KPNA7: variants seen among roughly 807,000 people sequenced by gnomAD.
KPNA7 encodes importin subunit alpha-8.
KPNA7 carries 54 observed loss-of-function variants against 53.7 expected under a neutral mutation model. The ratio of observed to expected loss-of-function variants is 1.01; its 90% confidence interval spans 0.81 to 1.26. The LOEUF is 1.26. Among genes scored for constraint, KPNA7 ranks in the 50% most tolerant of loss-of-function variants. The pLI is 0.00. For missense variants in KPNA7, 640 were observed against 644.5 expected, an observed-to-expected ratio of 0.99 and a Z score of 0.07; for synonymous variants, 276 against 259.3, an observed-to-expected ratio of 1.06 and a Z score of -0.62.
downstream of KPNA7, among the ~76,000 whole-genome samples, chr7:99,173,418 C>T (rs1215380571): frequency 6.6e-6 from 1 of 152,134 alleles, no homozygotes; most frequent in Non-Finnish European, 1.5e-5. Context: ...GTCTCAAACT[C>T]CTGACCTCAG....
In KPNA7 at chr7:99,187,806, A is replaced by ATT. The variant is rs1789690029; in HGVS notation, c.900+493_900+494insAA. Among the ~76,000 whole-genome samples, 104 of 29,316 alleles carry ATT rather than the reference A, an allele frequency of 3.5e-3. 1 individual carries two copies. Among genetic ancestry groups the ATT allele is most frequent in the African/African-American group, 6.3e-3 (97 of 15,482 alleles). The allele number at this position is 29,316 out of a possible 152,430, so 19.2% of individuals were successfully genotyped here. On this transcript the variant is annotated intron_variant, in intron 7 of 10. Transcript: ENST00000327442. ...GTGCCCGGCCTTTTTTTTTAAAAAA[A>ATT]AAAAAAAAAAAAAAAAAAAAAAAAA...
chr7:99,149,665 A>C, the KPNA7 span, among the ~76,000 whole-genome samples: 2 of 152,220 alleles, frequency 1.3e-5, no homozygotes, highest in Non-Finnish European at 2.9e-5. Flanking sequence ...TCTTGAGAGC[A>C]CATTTCTGTT....
chr7:99,207,408 T>G lies in KPNA7; in HGVS notation c.59A>C (p.Asp20Ala). 2 of 1,551,328 alleles carry G rather than the reference T, an allele frequency of 1.3e-6. No individual in the cohort carries two copies. The highest frequency in any genetic ancestry group is 1.7e-6 in the Non-Finnish European group (2 of 1,146,852). ...TGGGTGCTTCATACTCACAGACACA[T>G]CTTTGCCTCGGTACTTAAATTTTCT... Reference protein sequence around the residue: ...RRRKFKYRGKDVSLRRQQRMA... With the variant: ...RRRKFKYRGKAVSLRRQQRMA... The change falls in exon 2 of 11, where the codon GAT becomes GCT. Residue 20 changes from aspartate (D) to alanine (A), a missense_variant. Asp to Ala is a moderately radical substitution (Grantham distance 126, BLOSUM62 -2). Transcript: ENST00000327442.
rs1286950848 is a variant in KPNA7 at position 99,195,314 on chromosome 7, G to T, written c.309C>A (p.Asn103Lys). Residue 103 changes from asparagine to lysine, a missense_variant, in exon 5 of 11, where the codon AAC (asparagine) becomes AAA (lysine). Asn to Lys is a moderately conservative substitution (Grantham distance 94). Coordinates refer to ENST00000327442, the MANE Select transcript of KPNA7 (RefSeq NM_001145715.3). ...TARKMLSQEK[N>K]PPLKLVIEAG... is the part of the protein sequence containing the mutation. Reference sequence around the variant, plus strand: ...CTTCAATGACCAGTTTCAGAGGGGGGTTCTTTTCCTGGGATAGCATTTTCC... The same window carrying T: ...CTTCAATGACCAGTTTCAGAGGGGGTTTCTTTTCCTGGGATAGCATTTTCC... 3.9e-6 allele frequency: 6 copies of T among 1,551,500 alleles called. No individual in the cohort carries two copies. Among genetic ancestry groups the T allele is most frequent in the Non-Finnish European group, 4.4e-6 (5 of 1,146,918 alleles).
upstream of KPNA7, among the ~76,000 whole-genome samples, chr7:99,209,702 A>G (rs1000862309): frequency 8.8e-5 from 13 of 147,266 alleles, no homozygotes; most frequent in South Asian, 2.3e-4. Context: ...AAAAAAAAAA[A>G]AAAAAAAAGA....
chr7:99,173,679 G>C lies in KPNA7; in HGVS notation c.*29C>G. On this transcript the variant is annotated 3_prime_UTR_variant, in exon 11 of 11. Transcript: ENST00000327442. ...TAAAGAAGTTATCCTTTAGCACTGGGTTGTTGGTTTAGGAGGTAGGGAGCT... is the reference window on the plus strand; with the variant it reads ...TAAAGAAGTTATCCTTTAGCACTGGCTTGTTGGTTTAGGAGGTAGGGAGCT... 1 of 1,406,914 alleles carries C rather than the reference G, an allele frequency of 7.1e-7. No individual in the cohort carries two copies. Among genetic ancestry groups the C allele is most frequent in the South Asian group, 1.2e-5 (1 of 80,466 alleles). The allele number at this position is 1,406,914 out of a possible 1,614,324, so 87.2% of individuals were successfully genotyped here.
At chr7:99,197,152 T>C (rs2150754554) in intron 3 of KPNA7, among the ~76,000 whole-genome samples, 1 of 152,300 alleles carries the variant, frequency 6.6e-6, no homozygotes, top group Non-Finnish European at 1.5e-5. Flanking sequence ...GGCTGAGTGG[T>C]GAACGCATGC....
chr7:99,146,123 T>C, the KPNA7 span, among the ~76,000 whole-genome samples: 8 of 152,128 alleles, frequency 5.3e-5, no homozygotes, highest in African/African-American at 1.9e-4. Flanking sequence ...TCAAAGAGTC[T>C]CCTCTCTAAA....
intron 5 of KPNA7, 84 bp from the exon 6 acceptor site, chr7:99,193,185 A>G (rs750585454): frequency 1.7e-5 from 13 of 787,590 alleles, no homozygotes; most frequent in Admixed American, 7.0e-5. Context: ...GAGTGTGCAA[A>G]GGGCAAGAGA....
the KPNA7 span, among the ~76,000 whole-genome samples, chr7:99,149,244 C>T: frequency 1.3e-5 from 2 of 152,102 alleles, no homozygotes; most frequent in South Asian, 2.1e-4. Context: ...CAAATGATGT[C>T]GAGCATATCC....
rs537992150 is a variant in KPNA7 at position 99,180,857 on chromosome 7, CTG to C, written c.1317+1024_1317+1025del. Among the ~76,000 whole-genome samples the C allele has an allele frequency of 1.3e-3, 75 of 57,618 alleles. 18 individuals are homozygous for C. Among genetic ancestry groups the C allele is most frequent in the South Asian group, 3.0e-3 (3 of 998 alleles). The allele number at this position is 57,618 out of a possible 152,430, so 37.8% of individuals were successfully genotyped here. On this transcript the variant is annotated intron_variant, in intron 9 of 10. Transcript: ENST00000327442. ...CGTCTGTCTCTCTCTCTCTCCCCGT[CTG>C]TGTCTCTCTCTCTCTCCCCGTCTGT...
intron 7 of KPNA7, among the ~76,000 whole-genome samples, chr7:99,187,899 G>A (rs973264001): frequency 1.3e-5 from 2 of 149,904 alleles, no homozygotes; most frequent in African/African-American, 4.9e-5. Flanking sequence ...AAGATGGGCA[G>A]GCACAGTGGC....
chr7:99,207,667 G>A (rs536457434), intron 1 of KPNA7, among the ~76,000 whole-genome samples, 178 bp from the exon 2 acceptor site: 15 of 106,058 alleles, frequency 1.4e-4, no homozygotes, highest in South Asian at 9.2e-4. Flanking sequence ...ACAGAGTCTC[G>A]CTCTGTTGCC....
At chr7:99,162,037 ATTTT>A in the KPNA7 span, among the ~76,000 whole-genome samples, 23 of 106,918 alleles carry the variant, frequency 2.2e-4, no homozygotes, top group African/African-American at 8.5e-4. Context: ...CAAGATTGCA[ATTTT>A]TTTTTTTTTT....
At chr7:99,150,464 G>T in the KPNA7 span, among the ~76,000 whole-genome samples, 8 of 141,766 alleles carry the variant, frequency 5.6e-5, no homozygotes, top group Non-Finnish European at 9.1e-5. Context: ...GCCCAGGCTG[G>T]AGTGCAATGG....
the KPNA7 span, among the ~76,000 whole-genome samples, chr7:99,159,159 C>T: frequency 1.3e-5 from 2 of 151,974 alleles, no homozygotes; most frequent in African/African-American, 4.8e-5. Flanking sequence ...GCCACCATGC[C>T]CGACAACATC....
downstream of KPNA7, among the ~76,000 whole-genome samples, chr7:99,173,062 CAAAA>C (rs923484332): frequency 1.7e-4 from 10 of 57,170 alleles, no homozygotes; most frequent in African/African-American, 4.5e-4. Flanking sequence ...AACTCCATCT[CAAAA>C]AAAAAAAAAA....
At chr7:99,205,007 CTT>C (rs1177295676) in intron 2 of KPNA7, among the ~76,000 whole-genome samples, 1 of 152,204 alleles carries the variant, frequency 6.6e-6, no homozygotes, top group Non-Finnish European at 1.5e-5. Flanking sequence ...TCTCTCTTCT[CTT>C]TGGCAGGCCC....
the KPNA7 span, among the ~76,000 whole-genome samples, chr7:99,162,830 A>G: frequency 2.6e-5 from 4 of 152,084 alleles, no homozygotes; most frequent in Non-Finnish European, 5.9e-5. Flanking sequence ...GAATAGGGGG[A>G]AAAATGCTTT....
Sources: gnomAD v4.1 joint callset for allele counts (sites outside exome capture counted in the v4.1 genomes callset) on GRCh38, gnomAD v4.1.1 for gene constraint, MANE v1.5 for transcripts, NCBI Gene and HGNC (gene_info 2026-07-23, HGNC 2026-07-21) for gene names.